KLK15: variants seen among roughly 807,000 people sequenced by gnomAD.
The protein encoded by KLK15 is kallikrein related peptidase 15.
A neutral mutation model predicts 21.1 loss-of-function variants in KLK15; 19 were observed. The observed-to-expected ratio is 0.90, with a 90% CI of 0.63 to 1.32. The LOEUF (loss-of-function observed/expected upper bound fraction) is 1.32. Among genes scored for constraint, KLK15 ranks in the 40% most tolerant of loss-of-function variants. KLK15 has a pLI of 0.00. For synonymous variants in KLK15, 141 were observed against 141.5 expected (o/e 1.00, Z 0.03); for missense variants, 345 against 348.6 (o/e 0.99, Z 0.08).
upstream of KLK15, among the ~76,000 whole-genome samples, chr19:50,832,346 G>A (rs111352781): frequency 3.1e-3 from 384 of 125,592 alleles, 1 homozygote; most frequent in African/African-American, 0.011. Context: ...TTTTTGAGAC[G>A]GAGTCTGGCT....
chr19:50,827,070 G>A (rs1167751354), exon 3 of KLK15: 2 of 1,606,452 alleles, frequency 1.2e-6, no homozygotes, highest in Non-Finnish European at 1.7e-6. Flanking sequence ...GCTTCGTAGC[G>A]CGGGTGTGGA....
At chr19:50,828,774 C>A (rs959728117) in intron 1 of KLK15, among the ~76,000 whole-genome samples, 1 of 151,174 alleles carries the variant, frequency 6.6e-6, no homozygotes, top group Admixed American at 6.6e-5. Context: ...TCGAGACCAG[C>A]CTGGCCAATA....
chr19:50,832,972 C>T, upstream of KLK15: 1 of 152,324 alleles, frequency 6.6e-6, no homozygotes, highest in East Asian at 1.9e-4. Context: ...CCCATATCTT[C>T]CAAATTCATC....
chr19:50,829,658 A>G (rs2089947594), intron 1 of KLK15, among the ~76,000 whole-genome samples: 1 of 151,656 alleles, frequency 6.6e-6, no homozygotes, highest in South Asian at 2.1e-4. Context: ...ATAAATAAAT[A>G]AAAATACAAA....
chr19:50,829,297 A>C lies in KLK15; in HGVS notation c.44-1482T>G, dbSNP rs747300056. Among the ~76,000 whole-genome samples, 26 of 151,630 alleles carry C rather than the reference A, an allele frequency of 1.7e-4. 1 individual carries two copies. Among genetic ancestry groups the C allele is most frequent in the Admixed American group, 9.9e-4 (15 of 15,144 alleles). On this transcript the variant is annotated intron_variant, in intron 1 of 4. Coordinates refer to ENST00000598239, the Ensembl canonical transcript of KLK15. ...TAAAATGAAGATTGTTGTAAGGATGAGGTAGGAATGTGTATGTGTGTGTGT... is the reference window on the plus strand; with the variant it reads ...TAAAATGAAGATTGTTGTAAGGATGCGGTAGGAATGTGTATGTGTGTGTGT...
At chr19:50,826,890 G>C in exon 3 of KLK15, 2 of 1,562,040 alleles carry the variant, frequency 1.3e-6, no homozygotes, top group African/African-American at 1.4e-5. Flanking sequence ...TGTGACCGGG[G>C]GCTCCCAGCG....
At chr19:50,827,553 G>C (rs2089905516) in intron 2 of KLK15, 109 bp downstream of exon 3, 1 of 1,179,718 alleles carries the variant, frequency 8.5e-7, no homozygotes, top group Non-Finnish European at 1.2e-6. Context: ...CGGCCTCCTC[G>C]TCTTTCAGAA....
In KLK15 at chr19:50,830,037, A is replaced by C. The variant is rs545571047; in HGVS notation, c.43+1413T>G. Among the ~76,000 whole-genome samples the C allele has an allele frequency of 9.0e-4, 136 of 151,540 alleles. 5 individuals carry two copies. Among genetic ancestry groups the C allele is most frequent in the South Asian group, 1.9e-3 (9 of 4,800 alleles). On this transcript the variant is annotated intron_variant, in intron 1 of 4. Coordinates refer to ENST00000598239, the Ensembl canonical transcript of KLK15. ...GGGCAGGACATATTTATCCATCTCT[A>C]GATCAGCCCCCAAGCCAGATCTGTG...
chr19:50,826,068 C>G, intron 4 of KLK15, 120 bp from the exon 6 acceptor site: 2 of 973,704 alleles, frequency 2.1e-6, no homozygotes, highest in East Asian at 2.6e-5. Context: ...AACCCCAACC[C>G]AACTCAACTC....
In KLK15 at chr19:50,831,435, C is replaced by T. The variant is rs949042070; in HGVS notation, c.43+15G>A. On this transcript the variant is annotated intron_variant, in intron 1 of 4. Coordinates refer to ENST00000598239, the Ensembl canonical transcript of KLK15. ...CTGCTCCCACAGACCTGGCCCCCTC[C>T]TGGGGCCACCTCACCTGTGGATGCC... 5 of 1,420,058 alleles carry T rather than the reference C, an allele frequency of 3.5e-6. No homozygotes were observed. Among genetic ancestry groups the T allele is most frequent in the Non-Finnish European group, 4.6e-6 (5 of 1,088,988 alleles). The allele number at this position is 1,420,058 out of a possible 1,614,324, so 88.0% of individuals were successfully genotyped here.
chr19:50,825,557 C>A (rs2089865801), downstream of KLK15: 1 of 393,150 alleles, frequency 2.5e-6, no homozygotes, highest in Admixed American at 4.1e-5. Context: ...TCTTTGACCC[C>A]AGAAAAAAGT....
chr19:50,827,640 C>T, intron 2 of KLK15, 22 bp downstream of exon 3: 1 of 1,607,106 alleles, frequency 6.2e-7, no homozygotes, highest in Non-Finnish European at 8.5e-7. Flanking sequence ...TCCCTCAGGA[C>T]CCTGAGCCCC....
At chr19:50,826,378 A>C in intron 4 of KLK15, 1 of 488,272 alleles carries the variant, frequency 2.0e-6, no homozygotes. Context: ...AACCATTCCC[A>C]TTCTCAACCC....
chr19:50,827,072 G>C (rs1394771794), exon 3 of KLK15: 24 of 1,606,476 alleles, frequency 1.5e-5, no homozygotes, highest in Non-Finnish European at 2.0e-5. Context: ...TTCGTAGCGC[G>C]GGTGTGGAAT....
At chr19:50,832,319 TTTC>T (rs2090002762), upstream of KLK15, among the ~76,000 whole-genome samples, 4 of 84,130 alleles carry the variant, frequency 4.8e-5, no homozygotes, top group Admixed American at 5.0e-4. Flanking sequence ...TTTCTTTTTT[TTTC>T]TTTTTTTTTT....
exon 3 of KLK15, chr19:50,827,057 C>T (rs913132049): frequency 1.4e-5 from 22 of 1,606,176 alleles, no homozygotes; most frequent in East Asian, 2.2e-5. Context: ...GCGGTGGCTG[C>T]GCGCTTCGTA....
chr19:50,830,326 A>C (rs983282346), intron 1 of KLK15, among the ~76,000 whole-genome samples: 10 of 151,854 alleles, frequency 6.6e-5, no homozygotes, highest in Non-Finnish European at 1.3e-4. Context: ...CAGGATTTGC[A>C]CAGCCAGACC....
At chr19:50,831,749 A>G (rs1468201810), upstream of KLK15, among the ~76,000 whole-genome samples, 2 of 151,514 alleles carry the variant, frequency 1.3e-5, no homozygotes, top group Admixed American at 1.3e-4. Flanking sequence ...TCCACCTGTC[A>G]GCCTCCAGCA....
upstream of KLK15, among the ~76,000 whole-genome samples, chr19:50,832,501 T>G (rs2090008303): frequency 6.7e-6 from 1 of 149,348 alleles, no homozygotes; most frequent in Non-Finnish European, 1.5e-5. Context: ...TTTTGTAATT[T>G]TAGTAGAGAC....
Sources: allele counts gnomAD v4.1 joint callset (sites outside exome capture counted in the v4.1 genomes callset), GRCh38; gene constraint gnomAD v4.1.1; transcripts MANE v1.5; gene names NCBI Gene and HGNC (gene_info 2026-07-23, HGNC 2026-07-21).